CTNNAL1: variants seen among roughly 807,000 people sequenced by gnomAD.
CTNNAL1 encodes the protein alpha-catulin.
A neutral mutation model predicts 93.6 loss-of-function variants in CTNNAL1; 69 were observed. The ratio of observed to expected loss-of-function variants is 0.74; its 90% CI spans 0.61 to 0.90. CTNNAL1 has a LOEUF of 0.90. Among genes scored for constraint, CTNNAL1 ranks in the 40% least tolerant of loss-of-function variants. The probability of loss-of-function intolerance (pLI) is 0.00; values close to 1 mark genes in which losing one functional copy is unlikely to be tolerated. For missense variants in CTNNAL1, 836 were observed against 862.0 expected (o/e 0.97, Z 0.38); for synonymous variants, 286 against 305.4 (o/e 0.94, Z 0.66).
At chr9:108,976,556 A>G in intron 8 of CTNNAL1, among the ~76,000 whole-genome samples, 1 of 151,758 alleles carries the variant, frequency 6.6e-6, no homozygotes. Flanking sequence ...TTTGAGACAC[A>G]GTCTCACTCT....
rs1827276911 is a variant in CTNNAL1, at chr9:109,013,385, C to T, written c.58G>A (p.Gly20Ser). Residue 20 changes from glycine to serine, a missense_variant, in exon 1 of 19, where the codon GGC (glycine) becomes AGC (serine). Gly to Ser is a moderately conservative substitution (Grantham distance 56). Coordinates refer to ENST00000325551, the MANE Select transcript of CTNNAL1 (RefSeq NM_003798.4). ...GAGTCGAGGGCGAAGCCCGAAGAGC[C>T]GGAGCCGTAGACTGCTCCGGCGCCG... ...VGGAGAVYGS[G>S]SSGFALDSGL... The T allele has an allele frequency of 1.3e-6, 2 of 1,512,392 alleles. No homozygotes were observed. The highest frequency in any genetic ancestry group is 1.2e-5 in the South Asian group (1 of 80,212). The allele number at this position is 1,512,392 out of a possible 1,614,324, so 93.7% of individuals were successfully genotyped here. A position where few individuals can be genotyped will look rare whatever the true frequency, so the allele number is the denominator to read the frequency against.
intron 11 of CTNNAL1, among the ~76,000 whole-genome samples, chr9:108,958,953 A>G (rs898949217): frequency 1.7e-4 from 21 of 126,008 alleles, no homozygotes; most frequent in Admixed American, 1.1e-3. Flanking sequence ...TTCTAAGCAG[A>G]AAAAAAAAAA....
In CTNNAL1 at chr9:108,999,143, T is replaced by C; in HGVS notation, c.255A>G (p.Val85=). 1 of 1,613,920 alleles carries C rather than the reference T, an allele frequency of 6.2e-7. No homozygotes were observed. The highest frequency in any genetic ancestry group is 8.5e-7 in the Non-Finnish European group (1 of 1,179,888). The stretch of plus-strand genomic sequence containing the variant: ...AGTTTTCATTGGCTATAGCTTCTCC[T>C]ACTTTAACAAATCTTCCAACTGCCA... ...VNLAVGRFVK[V]GEAIANENWD... The change falls in exon 2 of 19, where the codon GTA becomes GTG. Residue 85 remains valine (V), a synonymous_variant. Transcript: ENST00000325551.
rs751937894 is a variant in CTNNAL1 at position 108,942,797 on chromosome 9, T to C, written c.2177A>G (p.Asn726Ser). The change falls in exon 19 of 19, where the codon AAT becomes AGT. Residue 726 changes from asparagine (N) to serine (S), a missense_variant. By Grantham distance (46) the Asn-to-Ser change is conservative (BLOSUM62 1). Transcript: ENST00000325551. ...MENNGWVSVTNKDTMDSKT is the reference protein window; with the variant it reads ...MENNGWVSVTSKDTMDSKT ...AGTTTTACTATCCATAGTGTCCTTA[T>C]TTGTAACTGAGACCCATCCGTTATT... The C allele has an allele frequency of 2.5e-6, 4 of 1,613,372 alleles. No homozygotes were observed. Among genetic ancestry groups the C allele is most frequent in the Non-Finnish European group, 3.4e-6 (4 of 1,179,472 alleles).
intron 2 of CTNNAL1, among the ~76,000 whole-genome samples, 200 bp from the exon 3 acceptor site, chr9:108,993,019 A>C (rs1429035063): frequency 1.3e-5 from 2 of 152,234 alleles, no homozygotes; most frequent in Non-Finnish European, 2.9e-5. Flanking sequence ...GCACACTCTT[A>C]AGAACTGTGA....
At chr9:108,948,928 T>C (rs16913723) in intron 14 of CTNNAL1, among the ~76,000 whole-genome samples, 8,914 of 152,210 alleles carry the variant, frequency 0.059, 900 homozygotes, top group African/African-American at 0.21. Flanking sequence ...ATATCATTCC[T>C]GTTCTCCAGT....
chr9:108,975,747 G>C (rs530068587), intron 8 of CTNNAL1, among the ~76,000 whole-genome samples: 1 of 152,256 alleles, frequency 6.6e-6, no homozygotes, highest in East Asian at 1.9e-4. Flanking sequence ...AAATATTTTA[G>C]GCCCTATTGT....
At chr9:108,988,914 A>G (rs972774163) in intron 4 of CTNNAL1, among the ~76,000 whole-genome samples, 8 of 152,208 alleles carry the variant, frequency 5.3e-5, no homozygotes, top group Admixed American at 5.2e-4. Flanking sequence ...TATTTTGACT[A>G]TTCTAAAGGA....
intron 11 of CTNNAL1, among the ~76,000 whole-genome samples, chr9:108,958,272 C>A (rs984388193): frequency 6.6e-6 from 1 of 152,118 alleles, no homozygotes; most frequent in East Asian, 1.9e-4. Flanking sequence ...TGGGGCAAAA[C>A]CAACTGTTTC....
At chr9:109,007,302 G>A (rs1432302912) in intron 1 of CTNNAL1, among the ~76,000 whole-genome samples, 2 of 152,096 alleles carry the variant, frequency 1.3e-5, no homozygotes, top group Admixed American at 1.3e-4. Context: ...GAGCAGAGAG[G>A]GCGCCTTATC....
chr9:108,969,203 GA>G (rs1831040050), intron 10 of CTNNAL1, among the ~76,000 whole-genome samples: 2 of 151,834 alleles, frequency 1.3e-5, no homozygotes, highest in Admixed American at 6.6e-5. Flanking sequence ...CTAGGAGGCG[GA>G]GGTTGCAGTG....
Position 108,977,025 on chromosome 9 carries a change from G to T in CTNNAL1, c.1125C>A (p.Ile375=). ...IQAQSKKTKS[I]AEELELSILK... The stretch of plus-strand genomic sequence containing the variant: ...AAATACTGAGTTCCAGTTCTTCAGC[G>T]ATGCTTTTTGTTTTCTTGCTTTGCT... Residue 375 remains isoleucine, a synonymous_variant, in exon 8 of 19, where the codon ATC becomes ATA. Transcript: ENST00000325551. 1 of 1,531,904 alleles carries T rather than the reference G, an allele frequency of 6.5e-7. No individual in the cohort carries two copies. The highest frequency in any genetic ancestry group is 8.8e-7 in the Non-Finnish European group (1 of 1,139,792). 94.9% of individuals were successfully genotyped at this position (1,531,904 alleles called of 1,614,324 possible). A position where few individuals can be genotyped will look rare whatever the true frequency, so the allele number is the denominator to read the frequency against.
intron 11 of CTNNAL1, among the ~76,000 whole-genome samples, chr9:108,958,516 C>T (rs1029960977): frequency 6.6e-5 from 10 of 152,054 alleles, no homozygotes; most frequent in Admixed American, 2.6e-4. Flanking sequence ...ATGATTTATA[C>T]GAATTTGAGG....
chr9:108,948,137 C>T (rs952359449), intron 15 of CTNNAL1, 49 bp downstream of exon 15: 9 of 1,595,788 alleles, frequency 5.6e-6, no homozygotes, highest in African/African-American at 1.3e-5. Context: ...TTATTACCCA[C>T]TTTTAGCCCG....
chr9:108,947,867 C>T lies in CTNNAL1; in HGVS notation c.1884+319G>A, dbSNP rs372517261. Among the ~76,000 whole-genome samples, 21 of 152,300 alleles carry T rather than the reference C, an allele frequency of 1.4e-4. No homozygotes were observed. The South Asian group carries it at 3.7e-3, about 27-fold the overall frequency. On this transcript the variant is annotated intron_variant, in intron 15 of 18. Coordinates refer to ENST00000325551, the MANE Select transcript of CTNNAL1 (RefSeq NM_003798.4). ...AGAGGCCAAAAATCTTTCTAGAACTCTGGATTTGCATCTGCTTACAGGATA... is the reference window on the plus strand; with the variant it reads ...AGAGGCCAAAAATCTTTCTAGAACTTTGGATTTGCATCTGCTTACAGGATA...
chr9:108,973,942 G>A (rs892086324), intron 8 of CTNNAL1, among the ~76,000 whole-genome samples: 4 of 152,098 alleles, frequency 2.6e-5, no homozygotes, highest in African/African-American at 4.8e-5. Context: ...TTCACTTTCC[G>A]TGGAAACTAA....
chr9:108,945,042 C>T (rs1052228159), intron 15 of CTNNAL1, among the ~76,000 whole-genome samples: 1 of 152,180 alleles, frequency 6.6e-6, no homozygotes, highest in Non-Finnish European at 1.5e-5. Context: ...CTCTTTCCTT[C>T]TAGCCTGCAA....
chr9:109,007,059 AAAAC>A (rs968965066), intron 1 of CTNNAL1, among the ~76,000 whole-genome samples: 11 of 152,186 alleles, frequency 7.2e-5, no homozygotes, highest in South Asian at 2.1e-4. Context: ...TCTCTACAAA[AAAAC>A]AAACAAACAA....
At chr9:109,001,121 G>A (rs191626220) in intron 1 of CTNNAL1, among the ~76,000 whole-genome samples, 118 of 141,790 alleles carry the variant, frequency 8.3e-4, no homozygotes, top group African/African-American at 2.7e-3. Context: ...GCAGTGAGCC[G>A]AGATTGCACC....
Sources: gnomAD v4.1 joint callset for allele counts (sites outside exome capture counted in the v4.1 genomes callset) on GRCh38, gnomAD v4.1.1 for gene constraint, MANE v1.5 for transcripts, NCBI Gene and HGNC (gene_info 2026-07-23, HGNC 2026-07-21) for gene names.